Variants in GTF2E2 observed in about 807,000 individuals in gnomAD.
The protein encoded by GTF2E2 is general transcription factor IIE subunit 2.
GTF2E2 carries 21 observed loss-of-function variants against 40.5 expected under a neutral mutation model. The ratio of observed to expected loss-of-function variants is 0.52; its 90% confidence interval spans 0.37 to 0.75. The LOEUF (loss-of-function observed/expected upper bound fraction) is 0.75. Among genes scored for constraint, GTF2E2 ranks in the 30% least tolerant of loss-of-function variants. The pLI is 0.00. For synonymous variants in GTF2E2, 117 were observed against 121.6 expected, an observed-to-expected ratio of 0.96 and a Z score of 0.25; for missense variants, 298 against 338.4, an observed-to-expected ratio of 0.88 and a Z score of 0.94.
At chr8:30,619,100 C>T (rs7464964) in intron 3 of GTF2E2, among the ~76,000 whole-genome samples, 53,992 of 151,752 alleles carry the variant, frequency 0.36, 9,982 homozygotes, top group African/African-American at 0.47. Context: ...TGCCACCACA[C>T]CATGCTAATT....
At position 30,578,854 on chromosome 8, in the gene GTF2E2, C is replaced by A; in HGVS notation, c.*67G>T. 3.6e-6 allele frequency: 3 copies of A among 834,610 alleles called. No individual in the cohort carries two copies. The highest frequency in any genetic ancestry group is 6.4e-6 in the Non-Finnish European group (3 of 470,934). The allele number at this position is 834,610 out of a possible 1,614,324, so 51.7% of individuals were successfully genotyped here. A position where few individuals can be genotyped will look rare whatever the true frequency, so the allele number is the denominator to read the frequency against. ...AGCAGATAGGAAGACAGTCTTCAGA[C>A]CCCGAGCATCAGCAAGAACACTCTT... On this transcript the variant is annotated 3_prime_UTR_variant, in exon 8 of 8. Coordinates refer to ENST00000355904, the MANE Select transcript of GTF2E2 (RefSeq NM_002095.6).
At chr8:30,627,858 A>G (rs1801333188) in intron 3 of GTF2E2, among the ~76,000 whole-genome samples, 1 of 152,238 alleles carries the variant, frequency 6.6e-6, no homozygotes, top group Non-Finnish European at 1.5e-5. Flanking sequence ...TCCTTTACTG[A>G]GTGCTTTGAA....
intron 6 of GTF2E2, among the ~76,000 whole-genome samples, chr8:30,588,467 C>CATG (rs1376385279): frequency 6.6e-6 from 1 of 152,114 alleles, no homozygotes; most frequent in Non-Finnish European, 1.5e-5. Flanking sequence ...AAGCCAGGCA[C>CATG]CGAATGACAA....
chr8:30,597,151 C>G (rs551383077), intron 6 of GTF2E2: 1 of 152,560 alleles, frequency 6.6e-6, no homozygotes, highest in South Asian at 2.1e-4. Flanking sequence ...GTGGCCTTCT[C>G]AGTGCTCCTG....
At position 30,606,927 on chromosome 8, in the gene GTF2E2, G is replaced by A. The variant is rs948746781; in HGVS notation, c.643+130C>T. On this transcript the variant is annotated intron_variant, in intron 6 of 7. Transcript: ENST00000355904. ...ATGTTAGACACAGGGGCCACTGGCT[G>A]TGTTCTAAGAAATGATAATGCTAAA... The A allele has an allele frequency of 3.4e-5, 15 of 441,646 alleles. No homozygotes were observed. The South Asian group carries it at 6.5e-4, about 19-fold the overall frequency. The allele number at this position is 441,646 out of a possible 1,614,324, so 27.4% of individuals were successfully genotyped here. A position where few individuals can be genotyped will look rare whatever the true frequency, so the allele number is the denominator to read the frequency against.
chr8:30,587,582 T>C (rs1014688228), intron 6 of GTF2E2, among the ~76,000 whole-genome samples: 1 of 150,028 alleles, frequency 6.7e-6, no homozygotes, highest in African/African-American at 2.5e-5. Flanking sequence ...AAAGAAGATA[T>C]ACAAATGAGG....
chr8:30,622,199 A>G (rs1016881946), intron 3 of GTF2E2, among the ~76,000 whole-genome samples: 5 of 135,398 alleles, frequency 3.7e-5, no homozygotes, highest in African/African-American at 8.7e-5. Context: ...ACCTGCCCCA[A>G]TAGTCATGTA....
chr8:30,598,783 C>T (rs1239014409), intron 6 of GTF2E2, among the ~76,000 whole-genome samples: 1 of 152,152 alleles, frequency 6.6e-6, no homozygotes, highest in African/African-American at 2.4e-5. Flanking sequence ...CATGTGGGGA[C>T]AAAATGTTCA....
At chr8:30,654,684 C>T (rs1802399396) in intron 1 of GTF2E2, among the ~76,000 whole-genome samples, 1 of 152,226 alleles carries the variant, frequency 6.6e-6, no homozygotes, top group Non-Finnish European at 1.5e-5. Flanking sequence ...GGATTACAAA[C>T]ATGAGCCACT....
At chr8:30,647,364 T>A (rs1258654145) in intron 2 of GTF2E2, among the ~76,000 whole-genome samples, 1 of 152,152 alleles carries the variant, frequency 6.6e-6, no homozygotes, top group South Asian at 2.1e-4. Flanking sequence ...GTGGATCACC[T>A]GAGGTCAGGA....
At chr8:30,655,756 G>A (rs1199438484) in intron 1 of GTF2E2, among the ~76,000 whole-genome samples, 1 of 152,150 alleles carries the variant, frequency 6.6e-6, no homozygotes, top group Non-Finnish European at 1.5e-5. Context: ...CAATTAAGGC[G>A]TGAACAATCA....
chr8:30,579,487 AAAAAAT>A (rs1828446153), intron 7 of GTF2E2, among the ~76,000 whole-genome samples: 1 of 152,204 alleles, frequency 6.6e-6, no homozygotes, highest in South Asian at 2.1e-4. Flanking sequence ...CACATGATGA[AAAAAAT>A]TAACAAATGA....
intron 3 of GTF2E2, among the ~76,000 whole-genome samples, chr8:30,628,378 G>A (rs772206661): frequency 4.6e-5 from 7 of 152,158 alleles, no homozygotes; most frequent in South Asian, 4.1e-4. Context: ...TAAGCTGGGC[G>A]AAATAAATGC....
intron 3 of GTF2E2, among the ~76,000 whole-genome samples, chr8:30,623,345 T>A (rs1801169751): frequency 6.6e-6 from 1 of 152,078 alleles, no homozygotes; most frequent in South Asian, 2.1e-4. Context: ...GGTTTCCAGC[T>A]TCATCCATGT....
intron 3 of GTF2E2, among the ~76,000 whole-genome samples, chr8:30,626,993 T>C (rs999658731): frequency 2.6e-5 from 4 of 152,228 alleles, no homozygotes; most frequent in Non-Finnish European, 4.4e-5. Flanking sequence ...TAAAGCACGT[T>C]ATTAGTAGCA....
chr8:30,593,963 C>T (rs1828921270), intron 6 of GTF2E2, among the ~76,000 whole-genome samples: 1 of 152,072 alleles, frequency 6.6e-6, no homozygotes, highest in African/African-American at 2.4e-5. Flanking sequence ...TGGAGTCTTG[C>T]TCTGTCACCC....
intron 6 of GTF2E2, among the ~76,000 whole-genome samples, chr8:30,585,949 G>C (rs550333590): frequency 6.2e-4 from 94 of 152,156 alleles, no homozygotes; most frequent in Non-Finnish European, 1.1e-3. Flanking sequence ...GGGCATGGTG[G>C]TGTTCACTTG....
At chr8:30,616,440 T>C (rs1585968474) in intron 3 of GTF2E2, among the ~76,000 whole-genome samples, 2 of 151,710 alleles carry the variant, frequency 1.3e-5, no homozygotes, top group Non-Finnish European at 2.9e-5. Context: ...GTTTTAAAAA[T>C]AAATAAATAA....
rs1184814347 is a variant in GTF2E2, at chr8:30,635,058, G to C, written c.232C>G (p.Leu78Val). The change falls in exon 3 of 8, where the codon CTT becomes GTT. Residue 78 changes from leucine (L) to valine (V), a missense_variant. By Grantham distance (32) the Leu-to-Val change is conservative. Coordinates refer to ENST00000355904, the MANE Select transcript of GTF2E2 (RefSeq NM_002095.6). ...TTCATGTAATTCACAATCTTAGCAA[G>C]AACACCAAACTTATATCCAGAGCTT... ...SGSSGYKFGV[L>V]AKIVNYMKTR... 6.2e-6 allele frequency: 10 copies of C among 1,601,898 alleles called. No individual in the cohort carries two copies. The highest frequency in any genetic ancestry group is 8.5e-6 in the Non-Finnish European group (10 of 1,170,038).
Sources: gnomAD v4.1 joint callset for allele counts (sites outside exome capture counted in the v4.1 genomes callset) on GRCh38, gnomAD v4.1.1 for gene constraint, MANE v1.5 for transcripts, NCBI Gene and HGNC (gene_info 2026-07-23, HGNC 2026-07-21) for gene names.